The following HGD variants were observed in gnomAD, a reference collection of about 807,000 sequenced individuals.
HGD encodes homogentisate oxidase.
HGD carries 61 observed loss-of-function variants against 60.8 expected under a neutral mutation model. That is an observed-to-expected ratio of 1.00 (90% CI 0.82 to 1.24). HGD has a LOEUF of 1.24. HGD is among the 50% of genes most tolerant of loss of function. HGD has a pLI of 0.00. For missense variants in HGD, 542 were observed against 547.1 expected (o/e 0.99, Z 0.09); for synonymous variants, 212 against 187.7 (o/e 1.13, Z -1.06).
chr3:120,674,643 A>G, intron 3 of HGD: 2 of 418,888 alleles, frequency 4.8e-6, no homozygotes, highest in East Asian at 5.2e-5. Context: ...CCTTCTGAAT[A>G]TAGGAGGTAA....
chr3:120,678,040 A>G (rs1194196425), intron 1 of HGD: 2 of 152,242 alleles, frequency 1.3e-5, no homozygotes, highest in Non-Finnish European at 2.9e-5. Flanking sequence ...CTAGGAAGCA[A>G]TGGAAGTGAA....
intron 4 of HGD, among the ~76,000 whole-genome samples, chr3:120,665,755 G>C (rs1707884706): frequency 6.6e-6 from 1 of 152,202 alleles, no homozygotes; most frequent in Admixed American, 6.5e-5. Context: ...TGTTACACTG[G>C]AGGAATCATC....
rs1305637966 is a variant in HGD, at chr3:120,644,347, T to C, written c.746A>G (p.Tyr249Cys). The C allele has an allele frequency of 6.2e-7, 1 of 1,614,152 alleles. No homozygotes were observed. The highest frequency in any genetic ancestry group is 1.1e-5 in the South Asian group (1 of 91,080). The change falls in exon 10 of 14, where the codon TAC becomes TGC. Residue 249 changes from tyrosine to cysteine, a missense_variant. By Grantham distance (194) the Tyr-to-Cys change is radical. This residue lies in a region of HGD where 537 missense variants were observed against 529.1 expected (regional missense o/e 1.01). Transcript: ENST00000283871. Reference sequence around the variant, plus strand: ...TTTGGCAGCAAACAGCTTGCCCTGGTATTTATTAATGACCGTGTAACCACC... The same window carrying C: ...TTTGGCAGCAAACAGCTTGCCCTGGCATTTATTAATGACCGTGTAACCACC... ...VPGGYTVINK[Y>C]QGKLFAAKQD...
chr3:120,682,213 G>C lies in HGD; in HGVS notation c.-102C>G, dbSNP rs1388666400. ...TTCAAACCACTCTTTGGATATTCCG[G>C]TTCCCACTGCTTCACTGCGCTTCAC... On this transcript the variant is annotated 5_prime_UTR_variant, in exon 1 of 14. Transcript: ENST00000283871. 1 of 1,159,420 alleles carries C rather than the reference G, an allele frequency of 8.6e-7. No individual in the cohort carries two copies. Among genetic ancestry groups the C allele is most frequent in the Non-Finnish European group, 1.3e-6 (1 of 767,504 alleles). The allele number at this position is 1,159,420 out of a possible 1,614,324, so 71.8% of individuals were successfully genotyped here. A position where few individuals can be genotyped will look rare whatever the true frequency, so the allele number is the denominator to read the frequency against.
At chr3:120,675,408 C>T (rs577468643) in intron 2 of HGD, among the ~76,000 whole-genome samples, 2 of 151,556 alleles carry the variant, frequency 1.3e-5, no homozygotes, top group Non-Finnish European at 2.9e-5. Context: ...TTTTGTTTCC[C>T]GTGTTGTTGC....
chr3:120,657,470 C>T (rs2107528599), intron 4 of HGD, among the ~76,000 whole-genome samples: 1 of 152,178 alleles, frequency 6.6e-6, no homozygotes, highest in East Asian at 1.9e-4. Flanking sequence ...CCAAATTTCC[C>T]ATGGACTCAA....
At chr3:120,636,993 C>T (rs1455260546) in intron 12 of HGD, among the ~76,000 whole-genome samples, 2 of 152,096 alleles carry the variant, frequency 1.3e-5, no homozygotes, top group Admixed American at 6.5e-5. Context: ...CAAAAAAATG[C>T]ACACTCCAGG....
intron 9 of HGD, among the ~76,000 whole-genome samples, chr3:120,645,762 A>T (rs938391230): frequency 5.3e-5 from 8 of 152,194 alleles, no homozygotes; most frequent in African/African-American, 1.7e-4. Flanking sequence ...TTTATACAAT[A>T]TGCAAAACAA....
At position 120,675,152 on chromosome 3, in the gene HGD, C is replaced by T. The variant is rs139070108; in HGVS notation, c.88-163G>A. On this transcript the variant is annotated intron_variant, in intron 2 of 13. Coordinates refer to ENST00000283871, the MANE Select transcript of HGD (RefSeq NM_000187.4). ...ACAACTTTTGATGTGACTTGCCCCC[C>T]GATTATAAAAGTAATATATATTTAT... Among the ~76,000 whole-genome samples the T allele has an allele frequency of 3.9e-3, 595 of 152,098 alleles. 4 individuals carry two copies. The highest frequency in any genetic ancestry group is 0.013 in the African/African-American group (553 of 41,490).
chr3:120,660,251 A>G (rs2107532637), intron 4 of HGD, among the ~76,000 whole-genome samples: 1 of 152,336 alleles, frequency 6.6e-6, no homozygotes, highest in African/African-American at 2.4e-5. Context: ...TCTTTATAGC[A>G]GTGCAAGAAT....
At chr3:120,635,840 GCA>G (rs1940754189) in intron 12 of HGD, among the ~76,000 whole-genome samples, 1 of 152,114 alleles carries the variant, frequency 6.6e-6, no homozygotes, top group Non-Finnish European at 1.5e-5. Flanking sequence ...AGACCCTATA[GCA>G]CAGTAGCAAA....
rs111258955 is a variant in HGD at position 120,648,056 on chromosome 3, C to T, written c.435-145G>A. 554 of 720,538 alleles carry T rather than the reference C, an allele frequency of 7.7e-4. 4 individuals carry two copies. Among genetic ancestry groups the T allele is most frequent in the African/African-American group, 6.5e-3 (374 of 57,574 alleles). The allele number at this position is 720,538 out of a possible 1,614,324, so 44.6% of individuals were successfully genotyped here. A position where few individuals can be genotyped will look rare whatever the true frequency, so the allele number is the denominator to read the frequency against. On this transcript the variant is annotated intron_variant, in intron 6 of 13. Coordinates refer to ENST00000283871, the MANE Select transcript of HGD (RefSeq NM_000187.4). ...GGGAGCAAAATGACCCAGGCTCTGC[C>T]CTTGTGGAACTTAGAGTCTAGTGGG...
chr3:120,673,133 T>C (rs966758431), intron 3 of HGD, among the ~76,000 whole-genome samples: 2 of 152,188 alleles, frequency 1.3e-5, no homozygotes, highest in Non-Finnish European at 1.5e-5. Context: ...CACAAAATTC[T>C]TGTGGATATC....
rs1435131025 is a variant in HGD at position 120,670,526 on chromosome 3, C to T, written c.183G>A (p.Leu61=). 6.3e-7 allele frequency: 1 copy of T among 1,578,256 alleles called. No individual in the cohort carries two copies. Among genetic ancestry groups the T allele is most frequent in the Non-Finnish European group, 8.7e-7 (1 of 1,147,374 alleles). The change falls in exon 4 of 14, where the codon CTG becomes CTA. Residue 61 remains leucine, a synonymous_variant. Coordinates refer to ENST00000283871, the MANE Select transcript of HGD (RefSeq NM_000187.4). The part of the protein sequence containing the change: ...CPRSTNKRSW[L]YRILPSVSHK... ...GAGAAACTGAAGGTAGAATCCTATACAGCCAGCTAGAGGGAAAAACATACA... is the reference window on the plus strand; with the variant it reads ...GAGAAACTGAAGGTAGAATCCTATATAGCCAGCTAGAGGGAAAAACATACA...
intron 1 of HGD, among the ~76,000 whole-genome samples, chr3:120,679,609 G>A (rs1559804537): frequency 6.6e-6 from 1 of 152,106 alleles, no homozygotes; most frequent in Non-Finnish European, 1.5e-5. Flanking sequence ...TATCCTAAAT[G>A]TAATCACAAG....
At chr3:120,658,646 G>C (rs1941571675) in intron 4 of HGD, among the ~76,000 whole-genome samples, 1 of 152,204 alleles carries the variant, frequency 6.6e-6, no homozygotes, top group Non-Finnish European at 1.5e-5. Flanking sequence ...TGCCCCAGCG[G>C]GGACTCTGTG....
intron 11 of HGD, 111 bp from the exon 12 acceptor site, chr3:120,638,692 T>A (rs1001041021): frequency 1.2e-5 from 15 of 1,226,386 alleles, no homozygotes; most frequent in Admixed American, 5.7e-5. Context: ...CTAATTTTTT[T>A]ATTTATTTTT....
At chr3:120,634,694 G>C (rs388554) in intron 12 of HGD, among the ~76,000 whole-genome samples, 117,991 of 152,168 alleles carry the variant, frequency 0.78, 46,376 homozygotes, top group African/African-American at 0.85. Flanking sequence ...AGTGGCAACC[G>C]TTACAAAATC....
At chr3:120,653,001 C>T (rs1460089347) in intron 4 of HGD, among the ~76,000 whole-genome samples, 2 of 152,200 alleles carry the variant, frequency 1.3e-5, no homozygotes, top group African/African-American at 4.8e-5. Context: ...TGAGTTTTGA[C>T]TGATGCTGCT....
Sources: allele counts gnomAD v4.1 joint callset (sites outside exome capture counted in the v4.1 genomes callset), GRCh38; gene constraint gnomAD v4.1.1; regional missense constraint gnomAD v4.1.1; transcripts MANE v1.5; gene names NCBI Gene and HGNC (gene_info 2026-07-23, HGNC 2026-07-21).